The following LINGO1 variants were observed in gnomAD, a reference collection of about 807,000 sequenced individuals.
LINGO1 encodes the protein leucine-rich repeat and immunoglobulin-like domain-containing nogo receptor-interacting protein 1.
Under a neutral mutation model 37.3 loss-of-function variants are expected in LINGO1, and 11 were observed. The ratio of observed to expected loss-of-function variants is 0.29; its 90% CI spans 0.19 to 0.49. The LOEUF is 0.49. Among genes scored for constraint, LINGO1 ranks in the 20% least tolerant of loss-of-function variants. The probability of loss-of-function intolerance (pLI) is 0.99; values close to 1 mark genes in which losing one functional copy is unlikely to be tolerated. For missense variants in LINGO1, 585 were observed against 878.2 expected (o/e 0.67, Z 4.22); for synonymous variants, 387 against 403.0 (o/e 0.96, Z 0.48).
At chr15:77,767,783 A>T (rs143960650) in intron 1 of LINGO1, among the ~76,000 whole-genome samples, 1 of 152,340 alleles carries the variant, frequency 6.6e-6, no homozygotes, top group Non-Finnish European at 1.5e-5. Flanking sequence ...CTCCAGGGAA[A>T]ACCGAGTTGT....
At chr15:77,671,949 T>C (rs922032508) in intron 3 of LINGO1, among the ~76,000 whole-genome samples, 6 of 152,050 alleles carry the variant, frequency 3.9e-5, no homozygotes, top group African/African-American at 1.2e-4. Flanking sequence ...AGGTGGCTCA[T>C]GGGCGGCTGA....
At chr15:77,616,136 G>A (rs757521948) in intron 1 of LINGO1, among the ~76,000 whole-genome samples, 14 of 152,178 alleles carry the variant, frequency 9.2e-5, no homozygotes, top group Non-Finnish European at 1.8e-4. Flanking sequence ...CCTTGGAATG[G>A]AGGGGCTCAG....
At chr15:77,817,724 C>T (rs1567600051) in intron 1 of LINGO1, among the ~76,000 whole-genome samples, 1 of 152,184 alleles carries the variant, frequency 6.6e-6, no homozygotes, top group African/African-American at 2.4e-5. Flanking sequence ...GCCTGGGTGT[C>T]CTCCATGCCT....
In LINGO1 at chr15:77,776,534, G is replaced by T. The variant is rs868331416; in HGVS notation, c.-257+10335C>A. 1.7e-4 allele frequency among the ~76,000 whole-genome samples: 5 copies of T among 29,730 alleles called. No individual in the cohort carries two copies. In the East Asian group the frequency reaches 2.3e-3, roughly 14 times the overall value. The allele number at this position is 29,730 out of a possible 152,430, so 19.5% of individuals were successfully genotyped here. ...GAAGGCAGGAAGGGAGGAAGGGAGG[G>T]AGGGAGGGAGGGAGGGAGGGAGGGA... On this transcript the variant is annotated intron_variant, in intron 1 of 3. Coordinates refer to the LINGO1 transcript ENST00000561686.
intron 1 of LINGO1, among the ~76,000 whole-genome samples, chr15:77,802,117 G>C (rs561827656): frequency 3.3e-5 from 5 of 152,190 alleles, no homozygotes; most frequent in African/African-American, 4.8e-5. Context: ...TATGTACAGA[G>C]AGTGGGGGGA....
chr15:77,728,641 T>G (rs182148432), intron 2 of LINGO1, among the ~76,000 whole-genome samples: 6 of 152,360 alleles, frequency 3.9e-5, no homozygotes, highest in Admixed American at 3.9e-4. Flanking sequence ...TGGGCCCGTT[T>G]CCATGTCTGC....
At chr15:77,714,768 G>A (rs2075963234) in intron 2 of LINGO1, among the ~76,000 whole-genome samples, 5 of 152,170 alleles carry the variant, frequency 3.3e-5, no homozygotes, top group Admixed American at 3.3e-4. Flanking sequence ...TGGCTTGCCT[G>A]GGCACGGGGG....
chr15:77,752,521 T>C (rs572010205), intron 1 of LINGO1, among the ~76,000 whole-genome samples: 12 of 152,294 alleles, frequency 7.9e-5, no homozygotes, highest in African/African-American at 2.9e-4. Context: ...CCCATCTTTT[T>C]GACAAATGCC....
intron 1 of LINGO1, among the ~76,000 whole-genome samples, chr15:77,766,167 A>T (rs1342777599): frequency 6.6e-6 from 1 of 152,082 alleles, no homozygotes; most frequent in Non-Finnish European, 1.5e-5. Context: ...GCATGGTGGC[A>T]TGCACCTGTA....
upstream of LINGO1, among the ~76,000 whole-genome samples, chr15:77,700,817 C>T (rs1011553964): frequency 2.0e-5 from 3 of 152,166 alleles, no homozygotes; most frequent in Non-Finnish European, 2.9e-5. Context: ...AGCTTGGTCC[C>T]CTCACAGTGT....
intron 3 of LINGO1, among the ~76,000 whole-genome samples, chr15:77,640,275 G>GGAGACCC (rs2141105686): frequency 6.6e-6 from 1 of 152,324 alleles, no homozygotes; most frequent in South Asian, 2.1e-4. Context: ...GCCAAGCCTG[G>GGAGACCC]TCCCAGCTAC....
chr15:77,729,720 T>C (rs1444852039), intron 2 of LINGO1, among the ~76,000 whole-genome samples: 1 of 152,230 alleles, frequency 6.6e-6, no homozygotes, highest in Non-Finnish European at 1.5e-5. Flanking sequence ...TCTCAAGGAC[T>C]ATATGCTGTT....
intron 2 of LINGO1, among the ~76,000 whole-genome samples, chr15:77,723,061 A>T (rs1279879048): frequency 6.6e-6 from 1 of 152,170 alleles, no homozygotes; most frequent in Non-Finnish European, 1.5e-5. Flanking sequence ...CCCAGGGCCC[A>T]TCGCTTTCCC....
chr15:77,752,821 G>A (rs1377887834), intron 1 of LINGO1, among the ~76,000 whole-genome samples: 1 of 152,170 alleles, frequency 6.6e-6, no homozygotes, highest in African/African-American at 2.4e-5. Context: ...CAGGCTCACT[G>A]CCACCAGCTG....
At chr15:77,749,925 T>A (rs896136748) in intron 1 of LINGO1, among the ~76,000 whole-genome samples, 13 of 152,040 alleles carry the variant, frequency 8.6e-5, no homozygotes, top group Admixed American at 7.9e-4. Flanking sequence ...CTCTCTCCAA[T>A]TTAATCCTCC....
intron 2 of LINGO1, among the ~76,000 whole-genome samples, chr15:77,734,244 A>G (rs146686016): frequency 0.01 from 1,559 of 152,246 alleles, 8 homozygotes; most frequent in Non-Finnish European, 0.016. Flanking sequence ...CTGAGCACAT[A>G]GGTAAGGCTG....
Position 77,632,419 on chromosome 15 carries a change from C to T in LINGO1, c.-104G>A. On this transcript the variant is annotated 5_prime_UTR_variant, in exon 1 of 2. Coordinates refer to ENST00000355300, the MANE Select transcript of LINGO1 (RefSeq NM_032808.7). This position sits in a 1 kb window ranked among gnomAD's most constrained non-coding sequence, Gnocchi z 6.0. ...TGCCCAGCCCCCTCCTCCGTTTCCT[C>T]CTCCTCCGACACCTCCGCCCGGCAG... 6.7e-6 allele frequency: 8 copies of T among 1,193,336 alleles called. No homozygotes were observed. The highest frequency in any genetic ancestry group is 3.0e-5 in the South Asian group (1 of 32,992). 73.9% of individuals were successfully genotyped at this position (1,193,336 alleles called of 1,614,324 possible). A position where few individuals can be genotyped will look rare whatever the true frequency, so the allele number is the denominator to read the frequency against.
chr15:77,699,027 G>T (rs1380889048), upstream of LINGO1, among the ~76,000 whole-genome samples: 1 of 152,090 alleles, frequency 6.6e-6, no homozygotes, highest in Non-Finnish European at 1.5e-5. Context: ...TAAGGGTCCA[G>T]GGATGTGTCA....
At chr15:77,659,041 GC>G (rs1224295066) in intron 3 of LINGO1, among the ~76,000 whole-genome samples, 4 of 152,328 alleles carry the variant, frequency 2.6e-5, no homozygotes, top group South Asian at 2.1e-4. Flanking sequence ...TAAGGTTGGA[GC>G]CCTGGGGGCA....
Sources: gnomAD v4.1 joint callset for allele counts (sites outside exome capture counted in the v4.1 genomes callset) on GRCh38, gnomAD v4.1.1 for gene constraint, Gnocchi (gnomAD v3.1) non-coding constraint, MANE v1.5 for transcripts, NCBI Gene and HGNC (gene_info 2026-07-23, HGNC 2026-07-21) for gene names.